Variants in TLL2 observed in about 807,000 individuals in gnomAD.
The protein encoded by TLL2 is tolloid-like protein 2.
In TLL2, 106 loss-of-function variants were observed where a neutral mutation model predicts 123.0. The ratio of observed to expected loss-of-function variants is 0.86; its 90% confidence interval spans 0.74 to 1.01. TLL2 has a LOEUF of 1.01. TLL2 is among the 50% of genes least tolerant of loss of function. The probability of loss-of-function intolerance (pLI) is 0.00; values close to 1 mark genes in which losing one functional copy is unlikely to be tolerated. For synonymous variants in TLL2, 494 were observed against 516.8 expected, an observed-to-expected ratio of 0.96 and a Z score of 0.60; for missense variants, 1,332 against 1,336.7, an observed-to-expected ratio of 1.00 and a Z score of 0.06.
intron 13 of TLL2, among the ~76,000 whole-genome samples, chr10:96,392,054 CCAT>C (rs1375511809): frequency 6.6e-6 from 1 of 152,218 alleles, no homozygotes; most frequent in African/African-American, 2.4e-5. Flanking sequence ...TCCTTCACCA[CCAT>C]GAGCACTTGA....
intron 1 of TLL2, among the ~76,000 whole-genome samples, chr10:96,508,468 T>C (rs1458477579): frequency 1.3e-5 from 2 of 152,088 alleles, no homozygotes; most frequent in Non-Finnish European, 2.9e-5. Context: ...TCCTGAGCCA[T>C]AAGACAAGAG....
chr10:96,384,544 G>T, intron 16 of TLL2, 43 bp downstream of exon 16: 4 of 1,490,282 alleles, frequency 2.7e-6, no homozygotes, highest in Non-Finnish European at 3.6e-6. Flanking sequence ...CTGCAAAGCC[G>T]CCTCACTCGC....
intron 3 of TLL2, among the ~76,000 whole-genome samples, chr10:96,438,655 C>T (rs563582687): frequency 2.0e-4 from 30 of 152,246 alleles, no homozygotes; most frequent in African/African-American, 7.0e-4. Context: ...CTTTGTTTTT[C>T]GTGCTTTACT....
chr10:96,493,302 C>T (rs1236387214), intron 1 of TLL2, among the ~76,000 whole-genome samples: 1 of 152,162 alleles, frequency 6.6e-6, no homozygotes, highest in Non-Finnish European at 1.5e-5. Flanking sequence ...GAATGACTAA[C>T]TTACAGCCTT....
At chr10:96,482,642 T>A (rs1224781644) in intron 1 of TLL2, among the ~76,000 whole-genome samples, 1 of 152,218 alleles carries the variant, frequency 6.6e-6, no homozygotes, top group African/African-American at 2.4e-5. Flanking sequence ...GAAGTAGAAA[T>A]ATTTGTAATT....
intron 16 of TLL2, among the ~76,000 whole-genome samples, chr10:96,383,825 G>A (rs553954032): frequency 1.3e-4 from 19 of 144,518 alleles, no homozygotes; most frequent in South Asian, 6.6e-4. Flanking sequence ...TAGAGACGGC[G>A]TTTCACCATG....
At chr10:96,468,073 G>A (rs956495918) in intron 2 of TLL2, among the ~76,000 whole-genome samples, 1 of 152,144 alleles carries the variant, frequency 6.6e-6, no homozygotes, top group Admixed American at 6.5e-5. Context: ...GGGCTACCCC[G>A]GGGGTCAGTT....
At chr10:96,436,284 G>A (rs1030840971) in intron 3 of TLL2, among the ~76,000 whole-genome samples, 1 of 152,184 alleles carries the variant, frequency 6.6e-6, no homozygotes, top group African/African-American at 2.4e-5. Context: ...GCTAGCCCTT[G>A]CTCTAAAGTA....
intron 7 of TLL2, among the ~76,000 whole-genome samples, chr10:96,419,311 G>T (rs1463161436): frequency 6.6e-6 from 1 of 152,116 alleles, no homozygotes; most frequent in Non-Finnish European, 1.5e-5. Flanking sequence ...AGCTGGAAGG[G>T]GCTCAGAGAA....
chr10:96,414,674 C>T (rs1846536893), intron 7 of TLL2, among the ~76,000 whole-genome samples: 1 of 152,164 alleles, frequency 6.6e-6, no homozygotes, highest in Admixed American at 6.5e-5. Flanking sequence ...GCCCCAGATG[C>T]CTCGTAACAC....
intron 2 of TLL2, among the ~76,000 whole-genome samples, chr10:96,459,856 A>G (rs1262548988): frequency 1.3e-5 from 2 of 150,916 alleles, no homozygotes; most frequent in Non-Finnish European, 3.0e-5. Flanking sequence ...TGGTACTGAG[A>G]TTATTATTTA....
intron 2 of TLL2, among the ~76,000 whole-genome samples, chr10:96,455,224 G>A (rs1322898293): frequency 2.0e-5 from 3 of 151,356 alleles, no homozygotes; most frequent in South Asian, 2.1e-4. Flanking sequence ...GTGAGACTCC[G>A]CCTCAAAAAA....
intron 2 of TLL2, among the ~76,000 whole-genome samples, chr10:96,475,430 A>AG (rs1847229321): frequency 1.3e-5 from 2 of 152,232 alleles, no homozygotes; most frequent in Admixed American, 1.3e-4. Flanking sequence ...CAGCTCCTCT[A>AG]GCTGGCAATA....
rs114499459 is a variant in TLL2, at chr10:96,416,364, C to T, written c.924-3048G>A. On this transcript the variant is annotated intron_variant, in intron 7 of 20. Transcript: ENST00000357947. ...CTTACTCATCATTCATAGGACTTTC[C>T]GATGTGCCAGGCCCTGCACTGGGCA... 4.4e-4 allele frequency among the ~76,000 whole-genome samples: 67 copies of T among 152,286 alleles called. No homozygotes were observed. In the Middle Eastern group the frequency reaches 0.01, roughly 23 times the overall value.
At position 96,396,013 on chromosome 10, in the gene TLL2, G is replaced by A. The variant is rs1020388483; in HGVS notation, c.1392C>T (p.Cys464=). 13 of 1,613,808 alleles carry A rather than the reference G, an allele frequency of 8.1e-6. No homozygotes were observed. The highest frequency in any genetic ancestry group is 6.7e-5 in the East Asian group (3 of 44,880). The stretch of plus-strand genomic sequence containing the variant: ...CGGCATCTTTGTTCATGTCTCCCCC[G>A]CAGGTAGCTTTAGAAAGAGACATCA... ...KGFFAAYEAT[C]GGDMNKDAGQ... The change falls in exon 12 of 21, where the codon TGC becomes TGT. Residue 464 remains cysteine (C), a synonymous_variant. Coordinates refer to ENST00000357947, the MANE Select transcript of TLL2 (RefSeq NM_012465.4).
At chr10:96,478,831 T>C (rs1416045234) in intron 2 of TLL2, among the ~76,000 whole-genome samples, 2 of 152,128 alleles carry the variant, frequency 1.3e-5, no homozygotes, top group African/African-American at 4.8e-5. Context: ...GTCTCTGGGG[T>C]CTGGAATGTT....
chr10:96,454,949 A>G (rs1350564780), intron 2 of TLL2, among the ~76,000 whole-genome samples: 1 of 152,202 alleles, frequency 6.6e-6, no homozygotes, highest in Non-Finnish European at 1.5e-5. Flanking sequence ...TCAGTCTGAG[A>G]ACCCATGGAC....
intron 20 of TLL2, 61 bp downstream of exon 20, chr10:96,370,004 T>C (rs1446179546): frequency 6.7e-7 from 1 of 1,488,094 alleles, no homozygotes; most frequent in East Asian, 2.4e-5. Flanking sequence ...CGTGTCTGAC[T>C]CCACAACTCC....
intron 1 of TLL2, among the ~76,000 whole-genome samples, chr10:96,512,322 A>G (rs1290797887): frequency 3.9e-5 from 6 of 152,240 alleles, no homozygotes; most frequent in African/African-American, 1.4e-4. Context: ...CCATCATTTC[A>G]CTTGCAGAGA....
Sources: allele counts gnomAD v4.1 joint callset (sites outside exome capture counted in the v4.1 genomes callset), GRCh38; gene constraint gnomAD v4.1.1; transcripts MANE v1.5; gene names NCBI Gene and HGNC (gene_info 2026-07-23, HGNC 2026-07-21).